BBX: variants seen among roughly 807,000 people sequenced by gnomAD.
BBX encodes the protein HMG box transcription factor BBX.
BBX carries 30 observed loss-of-function variants against 100.2 expected under a neutral mutation model. The observed-to-expected ratio is 0.30, with a 90% CI of 0.22 to 0.41. The LOEUF (loss-of-function observed/expected upper bound fraction) is 0.41. Among genes scored for constraint, BBX ranks in the 10% least tolerant of loss-of-function variants. BBX has a pLI of 1.00. For synonymous variants in BBX, 376 were observed against 388.1 expected, an observed-to-expected ratio of 0.97 and a Z score of 0.37; for missense variants, 1,023 against 1,129.8, an observed-to-expected ratio of 0.91 and a Z score of 1.35.
chr3:107,596,371 C>G (rs2053667774), intron 2 of BBX, among the ~76,000 whole-genome samples: 1 of 152,114 alleles, frequency 6.6e-6, no homozygotes, highest in South Asian at 2.1e-4. Flanking sequence ...GATATGGCAT[C>G]TTTAAATAAA....
chr3:107,713,945 T>A lies in BBX; in HGVS notation c.163-2662T>A, dbSNP rs576271520. ...CTCCTTTTTTTAATTTGTAATTTTT[T>A]AATTTTTTTAATAATTTTTTTCTTT... On this transcript the variant is annotated intron_variant, in intron 4 of 17. Coordinates refer to ENST00000325805, the MANE Select transcript of BBX (RefSeq NM_001142568.3). Among the ~76,000 whole-genome samples the A allele has an allele frequency of 2.4e-4, 36 of 150,664 alleles. 1 individual carries two copies. Among genetic ancestry groups the A allele is most frequent in the South Asian group, 1.5e-3 (7 of 4,792 alleles).
intron 2 of BBX, among the ~76,000 whole-genome samples, chr3:107,640,706 A>T (rs540792757): frequency 6.6e-6 from 1 of 152,296 alleles, no homozygotes; most frequent in South Asian, 2.1e-4. Context: ...TCTGTTGCCC[A>T]GGCTGGTGTG....
intron 13 of BBX, among the ~76,000 whole-genome samples, chr3:107,783,507 G>A (rs545437708): frequency 1.3e-5 from 2 of 152,008 alleles, no homozygotes; most frequent in South Asian, 2.1e-4. Flanking sequence ...CACTGCATAC[G>A]TCAAATCATT....
At chr3:107,605,977 A>G (rs1458139972) in intron 2 of BBX, among the ~76,000 whole-genome samples, 1 of 152,212 alleles carries the variant, frequency 6.6e-6, no homozygotes, top group Non-Finnish European at 1.5e-5. Context: ...TTTTTCAAGA[A>G]TACCTATTAC....
At chr3:107,769,876 C>T (rs991798833) in intron 10 of BBX, among the ~76,000 whole-genome samples, 3 of 152,156 alleles carry the variant, frequency 2.0e-5, no homozygotes, top group Non-Finnish European at 2.9e-5. Flanking sequence ...ACGCCCAACT[C>T]TGAGAGTCTG....
At chr3:107,523,809 G>T (rs2047541253) in intron 1 of BBX, among the ~76,000 whole-genome samples, 1 of 152,148 alleles carries the variant, frequency 6.6e-6, no homozygotes, top group Admixed American at 6.5e-5. Context: ...CGTTCATCTG[G>T]AGAGTTGGGA....
intron 13 of BBX, among the ~76,000 whole-genome samples, chr3:107,780,348 T>G (rs1016858928): frequency 1.3e-5 from 2 of 152,128 alleles, no homozygotes; most frequent in African/African-American, 4.8e-5. Context: ...TCTCAGGGAA[T>G]GTAACAATAG....
intron 2 of BBX, among the ~76,000 whole-genome samples, chr3:107,598,755 C>A (rs1246500128): frequency 6.6e-6 from 1 of 152,196 alleles, no homozygotes; most frequent in Non-Finnish European, 1.5e-5. Context: ...CCTTCTGCTG[C>A]CTTTTGGCAG....
intron 2 of BBX, among the ~76,000 whole-genome samples, chr3:107,569,451 G>A (rs950358654): frequency 6.6e-6 from 1 of 151,540 alleles, no homozygotes; most frequent in African/African-American, 2.4e-5. Context: ...GGGTGCAGGC[G>A]GGCTGAGTCC....
chr3:107,765,951 T>C (rs1301841967), intron 10 of BBX, among the ~76,000 whole-genome samples: 1 of 151,896 alleles, frequency 6.6e-6, no homozygotes, highest in Non-Finnish European at 1.5e-5. Flanking sequence ...ATGATTTTCA[T>C]AGTAATAGAC....
At chr3:107,658,553 C>T (rs1048929009) in intron 3 of BBX, among the ~76,000 whole-genome samples, 3 of 152,096 alleles carry the variant, frequency 2.0e-5, no homozygotes, top group Admixed American at 6.5e-5. Context: ...AGTATTTGGG[C>T]CAACTGCATA....
At chr3:107,698,382 G>A (rs2060808555) in intron 3 of BBX, among the ~76,000 whole-genome samples, 1 of 151,682 alleles carries the variant, frequency 6.6e-6, no homozygotes, top group South Asian at 2.1e-4. Context: ...GCCAGATGCG[G>A]TGGTTCACAC....
At chr3:107,576,037 A>C (rs1023474315) in intron 2 of BBX, among the ~76,000 whole-genome samples, 3 of 152,212 alleles carry the variant, frequency 2.0e-5, no homozygotes, top group Admixed American at 2.0e-4. Flanking sequence ...CTTTGTCTCA[A>C]AGTAAAGTGA....
In BBX at chr3:107,774,134, G is replaced by A. The variant is rs116306797; in HGVS notation, c.1915+498G>A. On this transcript the variant is annotated intron_variant, in intron 11 of 17. Transcript: ENST00000325805. ...TCCCAGCGCTTTGGGAGGCCAAGGC[G>A]GGTGCATCATTTGAACCGAAGAGCT... Among the ~76,000 whole-genome samples the A allele has an allele frequency of 3.4e-3, 516 of 152,254 alleles. 2 individuals are homozygous for A. The highest frequency in any genetic ancestry group is 5.7e-3 in the Non-Finnish European group (386 of 68,018).
chr3:107,636,681 AC>A (rs1409624931), intron 2 of BBX, among the ~76,000 whole-genome samples: 2 of 152,228 alleles, frequency 1.3e-5, no homozygotes, highest in Non-Finnish European at 2.9e-5. Flanking sequence ...GGAATTAGTG[AC>A]AAAGGATAAC....
chr3:107,638,974 G>T (rs2057034507), intron 2 of BBX, among the ~76,000 whole-genome samples: 1 of 151,976 alleles, frequency 6.6e-6, no homozygotes, highest in African/African-American at 2.4e-5. Flanking sequence ...GGGCAACAGA[G>T]TGAGACCCTG....
intron 2 of BBX, among the ~76,000 whole-genome samples, chr3:107,631,674 T>C (rs955868818): frequency 3.9e-5 from 6 of 152,158 alleles, no homozygotes; most frequent in Non-Finnish European, 7.4e-5. Context: ...GCATGCATTC[T>C]TTTTGCTGTT....
chr3:107,750,014 T>G (rs2064950801), intron 9 of BBX, among the ~76,000 whole-genome samples: 1 of 152,206 alleles, frequency 6.6e-6, no homozygotes, highest in Admixed American at 6.5e-5. Flanking sequence ...GGGACTGGTT[T>G]GGTGGTGTAA....
At chr3:107,723,777 A>G (rs1318836718) in intron 5 of BBX, among the ~76,000 whole-genome samples, 4 of 152,122 alleles carry the variant, frequency 2.6e-5, no homozygotes, top group East Asian at 1.9e-4. Context: ...TCCATGGTGT[A>G]TATGTGCCAC....
Sources: allele counts gnomAD v4.1 joint callset (sites outside exome capture counted in the v4.1 genomes callset), GRCh38; gene constraint gnomAD v4.1.1; transcripts MANE v1.5; gene names NCBI Gene and HGNC (gene_info 2026-07-23, HGNC 2026-07-21).